The following SIRPB2 variants were observed in gnomAD, a reference collection of about 807,000 sequenced individuals.
SIRPB2 encodes signal-regulatory protein beta-2.
A neutral mutation model predicts 27.1 loss-of-function variants in SIRPB2; 18 were observed. The ratio of observed to expected loss-of-function variants is 0.66; its 90% CI spans 0.46 to 0.98. The LOEUF (loss-of-function observed/expected upper bound fraction) is 0.98. SIRPB2 is among the 50% of genes least tolerant of loss of function. The pLI is 0.00. For synonymous variants in SIRPB2, 150 were observed against 164.6 expected, an observed-to-expected ratio of 0.91 and a Z score of 0.68; for missense variants, 420 against 417.4, an observed-to-expected ratio of 1.01 and a Z score of -0.06.
intron 2 of SIRPB2, among the ~76,000 whole-genome samples, 185 bp from the exon 3 acceptor site, chr20:1,478,792 C>A (rs41309827): frequency 6.6e-6 from 1 of 152,192 alleles, no homozygotes; most frequent in African/African-American, 2.4e-5. Flanking sequence ...CTACTACATA[C>A]CAATGGTAGG....
chr20:1,478,756 T>C, intron 2 of SIRPB2, 149 bp from the exon 3 acceptor site: 1 of 645,290 alleles, frequency 1.5e-6, no homozygotes, highest in Non-Finnish European at 2.6e-6. Flanking sequence ...ACCAGTTGAC[T>C]CATTCAGTAA....
intron 4 of SIRPB2, chr20:1,476,606 TA>T: frequency 1.8e-6 from 1 of 549,162 alleles, no homozygotes; most frequent in Non-Finnish European, 2.3e-6. Context: ...ATCCTCAAGG[TA>T]ATCCTACAGT....
chr20:1,480,180 A>T (rs1178973455), intron 1 of SIRPB2, 115 bp from the exon 2 acceptor site: 1 of 1,361,258 alleles, frequency 7.3e-7, no homozygotes, highest in East Asian at 2.4e-5. Flanking sequence ...AGGATAAGAC[A>T]GGAGTGTCAT....
chr20:1,477,277 C>A (rs2090615637), intron 4 of SIRPB2, 61 bp downstream of exon 4: 5 of 1,614,048 alleles, frequency 3.1e-6, no homozygotes, highest in Admixed American at 1.7e-5. Context: ...CATGACCAAG[C>A]CATTCATGGC....
At chr20:1,477,083 A>G in intron 4 of SIRPB2, 2 of 1,452,192 alleles carry the variant, frequency 1.4e-6, no homozygotes, top group Admixed American at 2.1e-5. Context: ...AATCACAGGG[A>G]GCTCACCACC....
chr20:1,473,884 A>G (rs1380934057), downstream of SIRPB2: 2 of 456,086 alleles, frequency 4.4e-6, no homozygotes, highest in South Asian at 1.5e-5. Context: ...ATAATTTAAA[A>G]CAACAGAAAT....
At chr20:1,487,414 A>G (rs1343725938) in intron 1 of SIRPB2, among the ~76,000 whole-genome samples, 3 of 152,366 alleles carry the variant, frequency 2.0e-5, no homozygotes, top group African/African-American at 7.2e-5. Flanking sequence ...TTCCCATTCA[A>G]ATCCTAGCAG....
downstream of SIRPB2, among the ~76,000 whole-genome samples, chr20:1,474,401 T>G (rs2090591928): frequency 6.6e-6 from 1 of 152,224 alleles, no homozygotes; most frequent in Non-Finnish European, 1.5e-5. Flanking sequence ...GCTGGCTTAG[T>G]TCAAGCTGTT....
chr20:1,485,252 C>T (rs887927838), intron 1 of SIRPB2, among the ~76,000 whole-genome samples: 3 of 152,166 alleles, frequency 2.0e-5, no homozygotes, highest in Admixed American at 6.6e-5. Context: ...TAAAATGTTC[C>T]TAACACAGAT....
Position 1,478,601 on chromosome 20 carries a change from C to T in SIRPB2, c.458G>A (p.Gly153Glu), listed in dbSNP as rs6033876. The T allele has an allele frequency of 0.019, 29,585 of 1,564,464 alleles. 900 individuals carry two copies. Among genetic ancestry groups the T allele is most frequent in the African/African-American group, 0.14 (10,350 of 73,180 alleles). ...EGTSVLVKGAGDPEPDLWIIQ... is the reference protein window; with the variant it reads ...EGTSVLVKGAEDPEPDLWIIQ... ...GATCCACAGGTCTGGTTCAGGGTCC[C>T]CAGCTCCTGAAGCCAAAGAGGAGGT... Residue 153 changes from glycine (G) to glutamate (E), a missense_variant, in exon 3 of 5, where the codon GGG (glycine) becomes GAG (glutamate). Gly to Glu is a moderately conservative substitution (Grantham distance 98). Coordinates refer to ENST00000359801, the MANE Select transcript of SIRPB2 (RefSeq NM_001122962.2).
downstream of SIRPB2, chr20:1,470,863 C>T (rs931034245): frequency 6.6e-6 from 1 of 152,210 alleles, no homozygotes; most frequent in Non-Finnish European, 1.5e-5. Flanking sequence ...CCTCATGCCC[C>T]TGCACGAATA....
chr20:1,473,817 A>G (rs1323093036), downstream of SIRPB2: 4 of 456,180 alleles, frequency 8.8e-6, no homozygotes, highest in African/African-American at 8.0e-5. Context: ...AACCACCTCC[A>G]TGCTTTCCTG....
At chr20:1,480,683 C>T (rs1344475612) in intron 1 of SIRPB2, among the ~76,000 whole-genome samples, 1 of 152,148 alleles carries the variant, frequency 6.6e-6, no homozygotes, top group Non-Finnish European at 1.5e-5. Context: ...CTCAGACAAA[C>T]CAGCCCTGCA....
downstream of SIRPB2, chr20:1,473,849 G>A (rs944051736): frequency 1.5e-5 from 7 of 456,218 alleles, no homozygotes; most frequent in Middle Eastern, 3.3e-4. Context: ...TCCCGTGGCC[G>A]CTGTAACAGA....
At position 1,480,009 on chromosome 20, in the gene SIRPB2, T is replaced by G. The variant is rs1055641677; in HGVS notation, c.142A>C (p.Met48Leu). 6.2e-7 allele frequency: 1 copy of G among 1,613,908 alleles called. No individual in the cohort carries two copies. The highest frequency in any genetic ancestry group is 1.3e-5 in the African/African-American group (1 of 74,922). The change falls in exon 2 of 5, where the codon ATG becomes CTG. Residue 48 changes from methionine (M) to leucine (L), a missense_variant. By Grantham distance (15) the Met-to-Leu change is conservative. Transcript: ENST00000359801. ...AGTGTCTCACCTTCTGCCACCAGCA[T>G]GGGGCCCTCGGGCTGTAGCACCTGC... ...DWQVLQPEGP[M>L]LVAEGETLLL...
At chr20:1,471,925 G>T (rs1444241700), downstream of SIRPB2, among the ~76,000 whole-genome samples, 5 of 152,168 alleles carry the variant, frequency 3.3e-5, no homozygotes, top group African/African-American at 1.2e-4. Flanking sequence ...CCTTGATGGG[G>T]GTTCCTTGGG....
At position 1,477,372 on chromosome 20, in the gene SIRPB2, G is replaced by A. The variant is rs563461177; in HGVS notation, c.825C>T (p.Phe275=). The A allele has an allele frequency of 1.9e-6, 3 of 1,614,090 alleles. No homozygotes were observed. The highest frequency in any genetic ancestry group is 1.7e-5 in the Admixed American group (1 of 60,014). Residue 275 remains phenylalanine (F), a synonymous_variant, in exon 4 of 5, where the codon TTC becomes TTT. Transcript: ENST00000359801. ...AKSTSSKEAE[F]TSEPATEMSP... is the part of the protein sequence containing the mutation. ...ACATCTCAGTTGCAGGTTCACTGGT[G>A]AATTCTGCCTCTTTGGAAGAGGTAG...
intron 1 of SIRPB2, among the ~76,000 whole-genome samples, chr20:1,484,006 A>G (rs2090699879): frequency 6.6e-6 from 1 of 152,250 alleles, no homozygotes; most frequent in Admixed American, 6.5e-5. Context: ...TAGAATACAT[A>G]GACCAATGGT....
intron 1 of SIRPB2, among the ~76,000 whole-genome samples, chr20:1,490,109 T>A (rs2090764240): frequency 6.6e-6 from 1 of 152,214 alleles, no homozygotes; most frequent in Non-Finnish European, 1.5e-5. Flanking sequence ...CTGAGTAGTT[T>A]AGATTTCTGA....
Sources: gnomAD v4.1 joint callset for allele counts (sites outside exome capture counted in the v4.1 genomes callset) on GRCh38, gnomAD v4.1.1 for gene constraint, MANE v1.5 for transcripts, NCBI Gene and HGNC (gene_info 2026-07-23, HGNC 2026-07-21) for gene names.